SMARCA2: variants seen among roughly 807,000 people sequenced by gnomAD.
The protein encoded by SMARCA2 is SWI/SNF-related matrix-associated actin-dependent regulator of chromatin subfamily A member 2.
SMARCA2 carries 61 observed loss-of-function variants against 199.8 expected under a neutral mutation model. The ratio of observed to expected loss-of-function variants is 0.31; its 90% CI spans 0.25 to 0.38. The LOEUF (loss-of-function observed/expected upper bound fraction) is 0.38. Among genes scored for constraint, SMARCA2 ranks in the 10% least tolerant of loss-of-function variants. SMARCA2 has a pLI of 1.00. For missense variants in SMARCA2, 1,344 were observed against 2,012.2 expected, an observed-to-expected ratio of 0.67 and a Z score of 6.35; for synonymous variants, 935 against 732.0, an observed-to-expected ratio of 1.28 and a Z score of -4.48.
intron 28 of SMARCA2, among the ~76,000 whole-genome samples, chr9:2,164,733 G>T (rs1324464315): frequency 6.6e-6 from 1 of 152,174 alleles, no homozygotes; most frequent in Non-Finnish European, 1.5e-5. Flanking sequence ...AAGGGTATTT[G>T]AATATTTCAG....
intron 19 of SMARCA2, among the ~76,000 whole-genome samples, chr9:2,092,210 T>C (rs1268302973): frequency 6.6e-6 from 1 of 152,234 alleles, no homozygotes; most frequent in Admixed American, 6.5e-5. Context: ...ATTGGCTGGG[T>C]ATTTCTTTAT....
intron 28 of SMARCA2, among the ~76,000 whole-genome samples, chr9:2,167,222 A>G (rs1825977523): frequency 6.6e-6 from 1 of 152,230 alleles, no homozygotes; most frequent in Admixed American, 6.5e-5. Context: ...ACTTACTTGA[A>G]GTGGCTTGAT....
intron 25 of SMARCA2, among the ~76,000 whole-genome samples, chr9:2,117,421 A>G (rs1439204736): frequency 1.8e-4 from 28 of 152,204 alleles, no homozygotes; most frequent in Admixed American, 1.8e-3. Flanking sequence ...CAAATTATTT[A>G]TAGTTTCTGA....
intron 14 of SMARCA2, among the ~76,000 whole-genome samples, chr9:2,078,490 A>G (rs528629750): frequency 2.6e-5 from 4 of 151,950 alleles, no homozygotes; most frequent in East Asian, 1.9e-4. Flanking sequence ...AAAAGAAACA[A>G]TAAAATTGTG....
chr9:2,094,344 G>A (rs1264157534), intron 19 of SMARCA2, among the ~76,000 whole-genome samples: 1 of 152,152 alleles, frequency 6.6e-6, no homozygotes, highest in Admixed American at 6.5e-5. Context: ...GAGAATGCTT[G>A]GCATCCCTGT....
rs762843612 is a variant in SMARCA2, at chr9:2,115,815, C to T, written c.3457-7C>T. The T allele has an allele frequency of 5.0e-6, 8 of 1,612,834 alleles. No individual in the cohort carries two copies. Among genetic ancestry groups the T allele is most frequent in the South Asian group, 2.2e-5 (2 of 90,930 alleles). On this transcript the variant is annotated splice_region_variant and splice_polypyrimidine_tract_variant and intron_variant, in intron 24 of 33. Transcript: ENST00000349721. This position sits in a 1 kb window ranked among gnomAD's most constrained non-coding sequence, Gnocchi z 6.0. ...CAGTCCTCATAGCATATTGACCCCC[C>T]AAACAGGATCTGCAGGCCCAAGACC...
At chr9:2,128,134 C>T (rs1055120452) in intron 27 of SMARCA2, among the ~76,000 whole-genome samples, 2 of 152,150 alleles carry the variant, frequency 1.3e-5, no homozygotes, top group Admixed American at 6.5e-5. Context: ...CCCATCCCAT[C>T]CTCCTCTCCA....
At chr9:2,070,533 G>C in intron 10 of SMARCA2, 62 bp downstream of exon 10, 1 of 1,238,522 alleles carries the variant, frequency 8.1e-7, no homozygotes, top group African/African-American at 1.5e-5. Flanking sequence ...ATACCTGGCA[G>C]CACCATTCTT....
At chr9:2,171,926 C>G (rs776216868) in intron 29 of SMARCA2, among the ~76,000 whole-genome samples, 7 of 152,120 alleles carry the variant, frequency 4.6e-5, no homozygotes, top group African/African-American at 1.7e-4. Flanking sequence ...AGTGCCATGC[C>G]CAGGCTTTTT....
At chr9:2,168,767 T>C (rs1485854130) in intron 28 of SMARCA2, among the ~76,000 whole-genome samples, 3 of 152,360 alleles carry the variant, frequency 2.0e-5, no homozygotes, top group African/African-American at 7.2e-5. Flanking sequence ...TTGTATTTTT[T>C]TTTCCCCAAG....
chr9:2,096,726 G>A lies in SMARCA2; in HGVS notation c.2953G>A (p.Gly985Arg). The A allele has an allele frequency of 6.2e-7, 1 of 1,613,636 alleles. No individual in the cohort carries two copies. Reference protein sequence around the residue: ...KILYRHMQAKGILLTDGSEKD... With the variant: ...KILYRHMQAKRILLTDGSEKD... ...TCTGTATCGCCATATGCAAGCCAAG[G>A]GGATCCTTCTCACAGATGGTTCTGA... Residue 985 changes from glycine to arginine, a missense_variant, in exon 20 of 34, where the codon GGG becomes AGG. Physicochemically the swap from Gly to Arg is moderately radical, Grantham distance 125. Around this residue, in one of 18 missense-constraint regions of SMARCA2, gnomAD observed 98 missense variants for 245.6 expected, o/e 0.40. Transcript: ENST00000349721.
chr9:2,051,268 G>C (rs1478948253), intron 5 of SMARCA2, among the ~76,000 whole-genome samples: 1 of 152,148 alleles, frequency 6.6e-6, no homozygotes, highest in Non-Finnish European at 1.5e-5. Flanking sequence ...TTCTCCTAGA[G>C]TTTGCGCTTT....
intron 5 of SMARCA2, among the ~76,000 whole-genome samples, chr9:2,053,386 C>T (rs748719008): frequency 5.9e-5 from 9 of 152,126 alleles, no homozygotes; most frequent in African/African-American, 2.2e-4. Context: ...GGAAGGTTCT[C>T]GGAAAGTGTA....
At position 2,018,713 on chromosome 9, in the gene SMARCA2, C is replaced by T. The variant is rs181529929; in HGVS notation, c.-37+3309C>T. ...CGTTGAGTAGCAGAAAATTTCTATC[C>T]AACCACCAAAGACTCAGAAACCATT... On this transcript the variant is annotated intron_variant, in intron 1 of 33. Transcript: ENST00000349721. 5.9e-5 allele frequency among the ~76,000 whole-genome samples: 9 copies of T among 152,274 alleles called. No homozygotes were observed. In the East Asian group the frequency reaches 1.7e-3, roughly 29 times the overall value.
chr9:2,182,299 T>G, intron 31 of SMARCA2, 57 bp downstream of exon 31: 1 of 1,029,908 alleles, frequency 9.7e-7, no homozygotes, highest in Non-Finnish European at 1.5e-6. Context: ...CGTTGTTCTT[T>G]TTAAGTAGAA....
intron 29 of SMARCA2, among the ~76,000 whole-genome samples, chr9:2,174,487 C>T (rs529201731): frequency 4.6e-5 from 7 of 152,190 alleles, no homozygotes; most frequent in Non-Finnish European, 7.3e-5. Context: ...GTGCCTGCCA[C>T]GACCCACCCA....
In SMARCA2 at chr9:2,159,746, C is replaced by T. The variant is rs1466210817; in HGVS notation, c.3982-1940C>T. The T allele has an allele frequency of 2.6e-6, 4 of 1,537,942 alleles. No individual in the cohort carries two copies. The African/African-American group carries it at 4.1e-5, about 16-fold the overall frequency. On this transcript the variant is annotated intron_variant, in intron 27 of 33. Transcript: ENST00000349721. ...CACAATCCTTTCAGTATTAAATTTTCAGTAAAATAAAATTACTTGTATATG... is the reference window on the plus strand; with the variant it reads ...CACAATCCTTTCAGTATTAAATTTTTAGTAAAATAAAATTACTTGTATATG...
intron 19 of SMARCA2, among the ~76,000 whole-genome samples, chr9:2,094,891 AC>A (rs1258030721): frequency 6.6e-6 from 1 of 152,082 alleles, no homozygotes; most frequent in African/African-American, 2.4e-5. Flanking sequence ...GTTTTTCTTT[AC>A]CCTTATCAAA....
In SMARCA2 at chr9:2,138,185, A is replaced by AAC. The variant is rs1491122931; in HGVS notation, c.3981+14249_3981+14250insCA. On this transcript the variant is annotated intron_variant, in intron 27 of 33. Transcript: ENST00000349721. ...TTCAGCAAAAAACAACAACAACAAC[A>AAC]AAAAAAAAACAGATAAATACATCTA... Among the ~76,000 whole-genome samples the AAC allele has an allele frequency of 7.2e-5, 5 of 69,890 alleles. No individual in the cohort carries two copies. In the African/African-American group the frequency reaches 7.8e-4, roughly 11 times the overall value. 45.9% of individuals were successfully genotyped at this position (69,890 alleles called of 152,430 possible).
Sources: gnomAD v4.1 joint callset for allele counts (sites outside exome capture counted in the v4.1 genomes callset) on GRCh38, gnomAD v4.1.1 for gene constraint, gnomAD v4.1.1 regional missense constraint, Gnocchi (gnomAD v3.1) non-coding constraint, MANE v1.5 for transcripts, NCBI Gene and HGNC (gene_info 2026-07-23, HGNC 2026-07-21) for gene names.